TEAD1: variants seen among roughly 807,000 people sequenced by gnomAD.
TEAD1 encodes the protein TEA domain transcription factor 1.
In TEAD1, 9 loss-of-function variants were observed where a neutral mutation model predicts 54.9. That is an observed-to-expected ratio of 0.16 (90% CI 0.10 to 0.29). TEAD1 has a LOEUF of 0.29. Among genes scored for constraint, TEAD1 ranks in the 10% least tolerant of loss-of-function variants. The pLI is 1.00. For synonymous variants in TEAD1, 200 were observed against 187.8 expected, an observed-to-expected ratio of 1.07 and a Z score of -0.53; for missense variants, 387 against 535.9, an observed-to-expected ratio of 0.72 and a Z score of 2.74.
chr11:12,923,656 G>T (rs1195069660), intron 10 of TEAD1, among the ~76,000 whole-genome samples: 2 of 152,138 alleles, frequency 1.3e-5, no homozygotes, highest in African/African-American at 4.8e-5. Flanking sequence ...AATTTATAAA[G>T]AACAAAAATT....
At position 12,937,150 on chromosome 11, in the gene TEAD1, G is replaced by T; in HGVS notation, c.1209G>T (p.Met403Ile). 6.2e-7 allele frequency: 1 copy of T among 1,613,910 alleles called. No individual in the cohort carries two copies. The highest frequency in any genetic ancestry group is 1.3e-5 in the African/African-American group (1 of 74,962). The change falls in exon 13 of 13, where the codon ATG (methionine) becomes ATT (isoleucine). Residue 403 changes from methionine (M) to isoleucine (I), a missense_variant. Met to Ile is a conservative substitution (Grantham distance 10, BLOSUM62 1). Transcript: ENST00000527636. ...ATACACAAGAAACTCTACTCTGCATGGCCTGTGTGTTTGAAGTTTCAAATA... is the reference window on the plus strand; with the variant it reads ...ATACACAAGAAACTCTACTCTGCATTGCCTGTGTGTTTGAAGTTTCAAATA...
intron 2 of TEAD1, among the ~76,000 whole-genome samples, chr11:12,710,767 T>G (rs1282681227): frequency 2.6e-5 from 4 of 151,836 alleles, no homozygotes; most frequent in African/African-American, 9.7e-5. Flanking sequence ...GTGACCGGTG[T>G]GAAGATGAAG....
At chr11:12,851,914 T>G (rs993058426) in intron 3 of TEAD1, among the ~76,000 whole-genome samples, 8 of 152,122 alleles carry the variant, frequency 5.3e-5, no homozygotes, top group Admixed American at 3.3e-4. Context: ...AGGAGGTGGA[T>G]GAATAGTCTG....
intron 2 of TEAD1, among the ~76,000 whole-genome samples, chr11:12,709,875 C>A (rs1022781167): frequency 6.6e-6 from 1 of 152,164 alleles, no homozygotes; most frequent in Middle Eastern, 3.4e-3. Context: ...CCCCTTTTTA[C>A]GTCTTTTAGT....
chr11:12,858,563 A>C (rs1947438356), intron 3 of TEAD1, among the ~76,000 whole-genome samples: 1 of 152,234 alleles, frequency 6.6e-6, no homozygotes, highest in Non-Finnish European at 1.5e-5. Flanking sequence ...GTTTAAGGGA[A>C]GATTTTATAA....
At chr11:12,912,378 AACATTTCGGAAGGGCTC>A (rs1379528246) in intron 10 of TEAD1, among the ~76,000 whole-genome samples, 1 of 152,100 alleles carries the variant, frequency 6.6e-6, no homozygotes, top group East Asian at 1.9e-4. Flanking sequence ...TTTGCCTGAG[AACATTTCGGAAGGGCTC>A]ACAAAGACAT....
At chr11:12,687,586 A>AG (rs1464116119) in intron 2 of TEAD1, among the ~76,000 whole-genome samples, 1 of 152,202 alleles carries the variant, frequency 6.6e-6, no homozygotes, top group African/African-American at 2.4e-5. Context: ...TGGCATTTGA[A>AG]GGGAGTTAAG....
intron 2 of TEAD1, among the ~76,000 whole-genome samples, chr11:12,722,125 G>C (rs1159379262): frequency 6.6e-6 from 1 of 152,210 alleles, no homozygotes; most frequent in Non-Finnish European, 1.5e-5. Flanking sequence ...CAGGCTGGAA[G>C]AATGTTTAAC....
At chr11:12,932,307 C>T (rs1053494884) in intron 12 of TEAD1, among the ~76,000 whole-genome samples, 1 of 152,120 alleles carries the variant, frequency 6.6e-6, no homozygotes, top group African/African-American at 2.4e-5. Context: ...ATAGATGCAT[C>T]ACTTTAGCAG....
At chr11:12,698,762 C>T (rs1943638292) in intron 2 of TEAD1, among the ~76,000 whole-genome samples, 1 of 152,080 alleles carries the variant, frequency 6.6e-6, no homozygotes, top group African/African-American at 2.4e-5. Context: ...TTAGAATCTG[C>T]ATTTTAATAA....
intron 9 of TEAD1, among the ~76,000 whole-genome samples, chr11:12,888,769 C>T (rs1473590137): frequency 1.3e-5 from 2 of 152,212 alleles, no homozygotes; most frequent in African/African-American, 4.8e-5. Context: ...TATGAAGTAG[C>T]TTGCCCAGTG....
chr11:12,803,174 C>T (rs1946099355), intron 3 of TEAD1, among the ~76,000 whole-genome samples: 1 of 152,050 alleles, frequency 6.6e-6, no homozygotes, highest in African/African-American at 2.4e-5. Context: ...ATTTTTCCCC[C>T]CTTTCCCCGA....
At chr11:12,799,783 C>A (rs762050409) in intron 3 of TEAD1, among the ~76,000 whole-genome samples, 19 of 152,132 alleles carry the variant, frequency 1.2e-4, no homozygotes, top group Non-Finnish European at 2.1e-4. Context: ...ACCCTATAGT[C>A]TGTTTTTCTT....
chr11:12,761,221 G>T (rs1268231862), intron 2 of TEAD1, among the ~76,000 whole-genome samples: 1 of 152,170 alleles, frequency 6.6e-6, no homozygotes, highest in Non-Finnish European at 1.5e-5. Flanking sequence ...GAAATAATAA[G>T]AAGAGGTTGT....
Position 12,939,857 on chromosome 11 carries a change from T to TCCCAGA in TEAD1, c.*2635_*2636insCCCAGA. The TCCCAGA allele has an allele frequency of 6.6e-6, 1 of 152,368 alleles. No homozygotes were observed. The highest frequency in any genetic ancestry group is 1.5e-5 in the Non-Finnish European group (1 of 68,038). 9.4% of individuals were successfully genotyped at this position (152,368 alleles called of 1,614,324 possible). A position where few individuals can be genotyped will look rare whatever the true frequency, so the allele number is the denominator to read the frequency against. The stretch of plus-strand genomic sequence containing the variant: ...CTCTTTGTCTCTCCCAGATTAGACC[T>TCCCAGA]TTGGGTGAGATTGGCATCACAACAT... On this transcript the variant is annotated 3_prime_UTR_variant, in exon 13 of 13. Coordinates refer to ENST00000527636, the MANE Select transcript of TEAD1 (RefSeq NM_021961.6).
rs1949147024 is a variant in TEAD1, at chr11:12,940,178, T to G, written c.*2956T>G. On this transcript the variant is annotated 3_prime_UTR_variant, in exon 13 of 13. Coordinates refer to ENST00000527636, the MANE Select transcript of TEAD1 (RefSeq NM_021961.6). ...GGCTGAGAATAAAACAAGGACTTAT[T>G]CACACATGTTCTAGAACCCCAGAAT... 6.6e-6 allele frequency: 1 copy of G among 152,190 alleles called. No individual in the cohort carries two copies. The highest frequency in any genetic ancestry group is 2.4e-5 in the African/African-American group (1 of 41,436). 9.4% of individuals were successfully genotyped at this position (152,190 alleles called of 1,614,324 possible). A position where few individuals can be genotyped will look rare whatever the true frequency, so the allele number is the denominator to read the frequency against.
chr11:12,795,551 A>G (rs1945898814), intron 3 of TEAD1, among the ~76,000 whole-genome samples: 2 of 152,224 alleles, frequency 1.3e-5, no homozygotes, highest in Admixed American at 1.3e-4. Flanking sequence ...GTCCAAAGCC[A>G]CTTCTCTTTC....
chr11:12,830,142 G>A (rs1027749173), intron 3 of TEAD1, among the ~76,000 whole-genome samples: 3 of 152,154 alleles, frequency 2.0e-5, no homozygotes, highest in Non-Finnish European at 4.4e-5. Flanking sequence ...TTGCTAAGAG[G>A]AGAGAATTCA....
chr11:12,926,580 A>G (rs1046206245), intron 11 of TEAD1, among the ~76,000 whole-genome samples: 4 of 152,234 alleles, frequency 2.6e-5, no homozygotes, highest in Non-Finnish European at 5.9e-5. Context: ...TATAGATGCA[A>G]GACTAGAACT....
Sources: gnomAD v4.1 joint callset for allele counts (sites outside exome capture counted in the v4.1 genomes callset) on GRCh38, gnomAD v4.1.1 for gene constraint, MANE v1.5 for transcripts, NCBI Gene and HGNC (gene_info 2026-07-23, HGNC 2026-07-21) for gene names.